The following NEDD4 variants were observed in gnomAD, a reference collection of about 807,000 sequenced individuals.
NEDD4 encodes E3 ubiquitin-protein ligase NEDD4.
Under a neutral mutation model 144.9 loss-of-function variants are expected in NEDD4, and 99 were observed. That is an observed-to-expected ratio of 0.68 (90% confidence interval 0.58 to 0.81). The LOEUF is 0.81. Ranked by LOEUF, NEDD4 falls within the 30% of genes least tolerant of loss-of-function variation. The pLI is 0.00. For missense variants in NEDD4, 985 were observed against 1,065.9 expected, an observed-to-expected ratio of 0.92 and a Z score of 1.06; for synonymous variants, 318 against 350.6, an observed-to-expected ratio of 0.91 and a Z score of 1.04.
intron 1 of NEDD4, among the ~76,000 whole-genome samples, chr15:55,983,079 G>A (rs1595889049): frequency 4.6e-5 from 7 of 151,944 alleles, no homozygotes; most frequent in Middle Eastern, 6.8e-3. Flanking sequence ...CCGAGATTGC[G>A]CCATTGCACT....
intron 2 of NEDD4, among the ~76,000 whole-genome samples, chr15:55,958,049 C>A (rs1230448384): frequency 6.6e-6 from 1 of 152,098 alleles, no homozygotes; most frequent in African/African-American, 2.4e-5. Flanking sequence ...AGCACACCAA[C>A]ATGGCATATG....
intron 4 of NEDD4, among the ~76,000 whole-genome samples, chr15:55,930,528 G>A (rs1442517350): frequency 6.6e-6 from 1 of 152,104 alleles, no homozygotes; most frequent in Non-Finnish European, 1.5e-5. Context: ...TACAAACAGA[G>A]GGAAGAAAAT....
intron 5 of NEDD4, among the ~76,000 whole-genome samples, chr15:55,885,037 C>T (rs973538507): frequency 1.3e-5 from 2 of 152,078 alleles, no homozygotes; most frequent in Non-Finnish European, 2.9e-5. Context: ...GGGTAAAGAA[C>T]GGATCCTAAA....
At chr15:55,874,604 G>A (rs554598222) in intron 5 of NEDD4, among the ~76,000 whole-genome samples, 1 of 152,244 alleles carries the variant, frequency 6.6e-6, no homozygotes, top group South Asian at 2.1e-4. Flanking sequence ...AAGACTGAGA[G>A]GGCTCAGCAC....
At chr15:55,842,206 C>T (rs1450515103) in intron 18 of NEDD4, 43 bp from the exon 19 acceptor site, 40 of 1,509,408 alleles carry the variant, frequency 2.7e-5, no homozygotes, top group Non-Finnish European at 3.6e-5. Context: ...ATCAGTTCAA[C>T]ATAATAACAA....
intron 2 of NEDD4, among the ~76,000 whole-genome samples, chr15:55,954,807 A>T (rs1340903379): frequency 6.6e-6 from 1 of 152,144 alleles, no homozygotes; most frequent in Non-Finnish European, 1.5e-5. Flanking sequence ...TACAGGCGTG[A>T]GCCACCGTGC....
chr15:55,953,542 A>T (rs1163695953), intron 2 of NEDD4, among the ~76,000 whole-genome samples: 2 of 151,504 alleles, frequency 1.3e-5, no homozygotes, highest in African/African-American at 4.9e-5. Flanking sequence ...CCTGGGTTCA[A>T]GCTATTCTCC....
At chr15:55,913,104 T>C (rs1396778090) in intron 5 of NEDD4, among the ~76,000 whole-genome samples, 1 of 152,140 alleles carries the variant, frequency 6.6e-6, no homozygotes, top group Admixed American at 6.5e-5. Context: ...AGACTCTCAG[T>C]GCTTTAGAAA....
intron 5 of NEDD4, among the ~76,000 whole-genome samples, chr15:55,918,703 A>C (rs1179086499): frequency 6.6e-6 from 1 of 152,230 alleles, no homozygotes; most frequent in African/African-American, 2.4e-5. Context: ...ATTTGACTAG[A>C]ATGAAACAGC....
At chr15:55,888,857 G>C (rs1434327611) in intron 5 of NEDD4, among the ~76,000 whole-genome samples, 1 of 152,160 alleles carries the variant, frequency 6.6e-6, no homozygotes, top group Non-Finnish European at 1.5e-5. Context: ...GGAAAGGACA[G>C]TTTCTTTAAT....
intron 1 of NEDD4, among the ~76,000 whole-genome samples, chr15:55,970,241 C>T (rs2037584937): frequency 6.6e-6 from 1 of 152,032 alleles, no homozygotes; most frequent in African/African-American, 2.4e-5. Flanking sequence ...CCATGACAGC[C>T]CCAGTGAAAT....
At chr15:55,840,254 G>C (rs1387399535) in intron 21 of NEDD4, among the ~76,000 whole-genome samples, 193 bp downstream of exon 21, 1 of 151,446 alleles carries the variant, frequency 6.6e-6, no homozygotes, top group African/African-American at 2.4e-5. Context: ...ATATACAACT[G>C]TCCAATGTAA....
At chr15:55,926,053 G>A (rs1404912171) in intron 4 of NEDD4, among the ~76,000 whole-genome samples, 3 of 151,630 alleles carry the variant, frequency 2.0e-5, no homozygotes, top group Non-Finnish European at 4.4e-5. Context: ...TATACAGTAT[G>A]TAAAATACAT....
At chr15:55,848,268 G>T in intron 17 of NEDD4, 104 bp downstream of exon 17, 1 of 1,065,318 alleles carries the variant, frequency 9.4e-7, no homozygotes, top group Non-Finnish European at 1.4e-6. Context: ...AACGGCCAAT[G>T]TGCTTTCCTC....
intron 4 of NEDD4, among the ~76,000 whole-genome samples, chr15:55,928,672 C>T (rs934817990): frequency 1.3e-5 from 2 of 152,216 alleles, no homozygotes; most frequent in African/African-American, 2.4e-5. Flanking sequence ...TCAAGCCCAG[C>T]TCAAATGCCA....
chr15:55,894,924 T>C (rs1338976391), intron 5 of NEDD4, among the ~76,000 whole-genome samples: 1 of 152,194 alleles, frequency 6.6e-6, no homozygotes, highest in Admixed American at 6.5e-5. Context: ...GAGCAATTTA[T>C]ATTGTATGCT....
chr15:55,905,014 C>T (rs1367235665), intron 5 of NEDD4, among the ~76,000 whole-genome samples: 2 of 151,544 alleles, frequency 1.3e-5, no homozygotes, highest in Non-Finnish European at 2.9e-5. Flanking sequence ...ATTGCTTGAA[C>T]CCAGGAGGCA....
chr15:55,990,777 C>T (rs1006116298), intron 1 of NEDD4, among the ~76,000 whole-genome samples: 5 of 152,140 alleles, frequency 3.3e-5, no homozygotes, highest in South Asian at 2.1e-4. Context: ...TTCCAGTCCC[C>T]GCATCCACCA....
chr15:55,896,474 T>C (rs542978777), intron 5 of NEDD4, among the ~76,000 whole-genome samples: 2 of 152,248 alleles, frequency 1.3e-5, no homozygotes, highest in African/African-American at 2.4e-5. Context: ...TGAGGCACCA[T>C]ACCTGGCCAC....
Sources: gnomAD v4.1 joint callset for allele counts (sites outside exome capture counted in the v4.1 genomes callset) on GRCh38, gnomAD v4.1.1 for gene constraint, MANE v1.5 for transcripts, NCBI Gene and HGNC (gene_info 2026-07-23, HGNC 2026-07-21) for gene names.